ALK: variants seen among roughly 807,000 people sequenced by gnomAD.
ALK encodes ALK tyrosine kinase receptor.
In ALK, 74 loss-of-function variants were observed where a neutral mutation model predicts 163.1. The ratio of observed to expected loss-of-function variants is 0.45; its 90% CI spans 0.38 to 0.55. The LOEUF (loss-of-function observed/expected upper bound fraction) is 0.55. Ranked by LOEUF, ALK falls within the 20% of genes least tolerant of loss-of-function variation. ALK has a pLI of 0.00. For missense variants in ALK, 2,063 were observed against 2,105.3 expected (o/e 0.98, Z 0.39); for synonymous variants, 960 against 843.2 (o/e 1.14, Z -2.40).
intron 3 of ALK, among the ~76,000 whole-genome samples, chr2:29,665,056 A>G (rs140617465): frequency 7.1e-6 from 1 of 141,406 alleles, no homozygotes; most frequent in East Asian, 2.1e-4. Context: ...ACTGGAGTGC[A>G]GTGGCACCAT....
intron 2 of ALK, among the ~76,000 whole-genome samples, chr2:29,710,501 T>C (rs937967016): frequency 1.9e-4 from 21 of 113,426 alleles, no homozygotes; most frequent in African/African-American, 1.3e-3. Context: ...TCTGTGTGCG[T>C]GTGTGTGTGT....
intron 1 of ALK, among the ~76,000 whole-genome samples, chr2:29,766,080 T>C (rs1680853776): frequency 6.6e-6 from 1 of 152,210 alleles, no homozygotes; most frequent in Non-Finnish European, 1.5e-5. Flanking sequence ...ATAATTTTAA[T>C]TAGCTGTACA....
intron 4 of ALK, among the ~76,000 whole-genome samples, chr2:29,446,053 C>G (rs992304494): frequency 4.6e-5 from 6 of 130,426 alleles, no homozygotes; most frequent in African/African-American, 1.8e-4. Context: ...GAGCCGAGAT[C>G]CCGCCACTGC....
chr2:29,309,835 C>T (rs1043417514), intron 8 of ALK, among the ~76,000 whole-genome samples: 8 of 152,106 alleles, frequency 5.3e-5, no homozygotes, highest in Non-Finnish European at 1.0e-4. Context: ...TGTGAAATAA[C>T]GCTCCCGACC....
At chr2:29,784,979 C>A (rs1262557692) in intron 1 of ALK, among the ~76,000 whole-genome samples, 1 of 3,678 alleles carries the variant, frequency 2.7e-4, no homozygotes, top group Non-Finnish European at 0.023. Context: ...GTGCCTCTGA[C>A]ACAGAAGGGA....
intron 28 of ALK, among the ~76,000 whole-genome samples, chr2:29,195,058 T>C (rs1312887596): frequency 6.6e-6 from 1 of 152,146 alleles, no homozygotes; most frequent in African/African-American, 2.4e-5. Flanking sequence ...AACACGAGTG[T>C]TCGAGTTTAA....
intron 12 of ALK, among the ~76,000 whole-genome samples, chr2:29,245,122 C>T (rs187524215): frequency 1.0e-3 from 150 of 145,208 alleles, no homozygotes; most frequent in African/African-American, 3.9e-3. Flanking sequence ...GCCCTGCACA[C>T]AGTTGGAGCG....
Position 29,223,366 on chromosome 2 carries a change from G to A in ALK, c.3335C>T (p.Pro1112Leu), listed in dbSNP as rs1319794557. Residue 1112 changes from proline to leucine, a missense_variant, in exon 20 of 29, where the codon CCG becomes CTG. Around this residue, in one of 5 missense-constraint regions of ALK, gnomAD observed 575 missense variants for 626.6 expected, o/e 0.92. Coordinates refer to ENST00000389048, the MANE Select transcript of ALK (RefSeq NM_004304.5). Reference sequence around the variant, plus strand: ...CCGAATGAGGGTGATGTTTTTCCGCGGCACCTCCTTCAGGTCACTGATGGA... The same window carrying A: ...CCGAATGAGGGTGATGTTTTTCCGCAGCACCTCCTTCAGGTCACTGATGGA... ...TSSISDLKEV[P>L]RKNITLIRGL... 9 of 1,614,058 alleles carry A rather than the reference G, an allele frequency of 5.6e-6. No homozygotes were observed. Among genetic ancestry groups the A allele is most frequent in the Middle Eastern group, 1.6e-4 (1 of 6,084 alleles).
chr2:29,886,185 A>G (rs1666980662), intron 1 of ALK, among the ~76,000 whole-genome samples: 1 of 152,228 alleles, frequency 6.6e-6, no homozygotes, highest in Non-Finnish European at 1.5e-5. Flanking sequence ...TTGTAAGAAC[A>G]CAGTATAAAA....
At chr2:29,731,379 T>C (rs1164224466) in intron 1 of ALK, among the ~76,000 whole-genome samples, 1 of 152,182 alleles carries the variant, frequency 6.6e-6, no homozygotes, top group East Asian at 1.9e-4. Flanking sequence ...TCAATCATGG[T>C]GGCAGAAGCC....
At chr2:29,320,623 T>C in intron 7 of ALK, 128 bp downstream of exon 7, 1 of 1,339,882 alleles carries the variant, frequency 7.5e-7, no homozygotes, top group Non-Finnish European at 1.1e-6. Context: ...GTGTGAACGC[T>C]CTAGGCAAGC....
At chr2:29,230,693 G>A (rs1002626262) in intron 15 of ALK, among the ~76,000 whole-genome samples, 2 of 152,138 alleles carry the variant, frequency 1.3e-5, no homozygotes, top group Non-Finnish European at 2.9e-5. Flanking sequence ...GACTTTGTTA[G>A]CCATGAAACC....
chr2:29,491,573 C>G (rs1671903184), intron 4 of ALK, among the ~76,000 whole-genome samples: 1 of 152,170 alleles, frequency 6.6e-6, no homozygotes, highest in South Asian at 2.1e-4. Flanking sequence ...ATACACATAG[C>G]ACGAGCAACA....
At chr2:29,340,007 T>G (rs1382223171) in intron 5 of ALK, among the ~76,000 whole-genome samples, 1 of 152,196 alleles carries the variant, frequency 6.6e-6, no homozygotes, top group African/African-American at 2.4e-5. Flanking sequence ...CCATAGCCCC[T>G]TTATTTTGTT....
chr2:29,228,834 C>T, intron 16 of ALK, 50 bp downstream of exon 16: 1 of 1,257,688 alleles, frequency 8.0e-7, no homozygotes, highest in South Asian at 1.2e-5. Context: ...GGTGAGGAGC[C>T]TAGGACTAAG....
At chr2:29,415,280 A>C (rs1423626883) in intron 4 of ALK, among the ~76,000 whole-genome samples, 1 of 151,906 alleles carries the variant, frequency 6.6e-6, no homozygotes, top group Non-Finnish European at 1.5e-5. Flanking sequence ...CTTCCAAAAG[A>C]AGTATTATTA....
chr2:29,549,293 C>T (rs1040649678), intron 3 of ALK, among the ~76,000 whole-genome samples: 12 of 152,184 alleles, frequency 7.9e-5, no homozygotes, highest in Admixed American at 2.6e-4. Flanking sequence ...GTTCAAATTT[C>T]AAATGTCCAT....
intron 1 of ALK, among the ~76,000 whole-genome samples, chr2:29,810,303 T>C (rs1247070854): frequency 6.6e-6 from 1 of 151,852 alleles, no homozygotes; most frequent in Admixed American, 6.6e-5. Context: ...TTGCCTGTAA[T>C]TCCAGCTACT....
chr2:29,695,259 C>G (rs2148290316), intron 2 of ALK, among the ~76,000 whole-genome samples: 2 of 152,272 alleles, frequency 1.3e-5, no homozygotes, highest in South Asian at 4.1e-4. Context: ...AAAAACAAAG[C>G]TAACTAACAG....
Sources: gnomAD v4.1 joint callset for allele counts (sites outside exome capture counted in the v4.1 genomes callset) on GRCh38, gnomAD v4.1.1 for gene constraint, gnomAD v4.1.1 regional missense constraint, MANE v1.5 for transcripts, NCBI Gene and HGNC (gene_info 2026-07-23, HGNC 2026-07-21) for gene names.